Variants in TPST2 observed in about 807,000 individuals in gnomAD.
TPST2 encodes the protein protein-tyrosine sulfotransferase 2.
TPST2 carries 16 observed loss-of-function variants against 27.8 expected under a neutral mutation model. That is an observed-to-expected ratio of 0.58 (90% confidence interval 0.39 to 0.88). The LOEUF is 0.88. TPST2 is among the 40% of genes least tolerant of loss of function. The pLI is 0.00. For missense variants in TPST2, 464 were observed against 543.1 expected (o/e 0.85, Z 1.45); for synonymous variants, 229 against 231.7 (o/e 0.99, Z 0.10).
At position 26,541,266 on chromosome 22, in the gene TPST2, C is replaced by T. The variant is rs143783337; in HGVS notation, c.365G>A (p.Arg122Gln). 5.9e-5 allele frequency: 90 copies of T among 1,537,580 alleles called. No individual in the cohort carries two copies. The highest frequency in any genetic ancestry group is 1.9e-5 in the Non-Finnish European group (22 of 1,140,542). Residue 122 changes from arginine (R) to glutamine (Q), a missense_variant, in exon 3 of 7, where the codon CGG becomes CAG. Arg to Gln is a conservative substitution (Grantham distance 43). Coordinates refer to ENST00000338754, the MANE Select transcript of TPST2 (RefSeq NM_003595.5). This position sits in a 1 kb window ranked among gnomAD's most constrained non-coding sequence, Gnocchi z 5.9. ...AWSKSGREKL[R>Q]LDEAGVTDEV... The stretch of plus-strand genomic sequence containing the variant: ...ATCCGTCACCCCCGCCTCATCCAGC[C>T]GCAGCTTCTCACGGCCAGACTTGGA...
intron 1 of TPST2, among the ~76,000 whole-genome samples, chr22:26,549,391 G>A (rs1926319919): frequency 6.6e-6 from 1 of 152,186 alleles, no homozygotes; most frequent in Non-Finnish European, 1.5e-5. Flanking sequence ...AGGCACAGGG[G>A]CTCACGCCTG....
intron 1 of TPST2, among the ~76,000 whole-genome samples, chr22:26,567,556 C>T (rs1028974731): frequency 6.6e-6 from 1 of 152,240 alleles, no homozygotes; most frequent in African/African-American, 2.4e-5. Flanking sequence ...CTGAGGCTCA[C>T]ACATGTGAAG....
intron 1 of TPST2, among the ~76,000 whole-genome samples, chr22:26,558,098 T>A (rs1926896445): frequency 6.8e-6 from 1 of 146,606 alleles, no homozygotes; most frequent in African/African-American, 2.5e-5. Context: ...GTATAAAAAT[T>A]ATTATATAAA....
Position 26,525,192 on chromosome 22 carries a change from G to A in TPST2, c.*1083C>T, listed in dbSNP as rs1924761125. 1 of 152,178 alleles carries A rather than the reference G, an allele frequency of 6.6e-6. No individual in the cohort carries two copies. The highest frequency in any genetic ancestry group is 2.4e-5 in the African/African-American group (1 of 41,430). 9.4% of individuals were successfully genotyped at this position (152,178 alleles called of 1,614,324 possible). A position where few individuals can be genotyped will look rare whatever the true frequency, so the allele number is the denominator to read the frequency against. On this transcript the variant is annotated 3_prime_UTR_variant, in exon 7 of 7. Transcript: ENST00000338754. ...CAGGAGATGACAACTGGAAGCTTGA[G>A]GCCGGTCTCTCCCGGACTCTGCCCT...
intron 5 of TPST2, among the ~76,000 whole-genome samples, chr22:26,530,560 A>G (rs1925094805): frequency 6.9e-6 from 1 of 144,448 alleles, no homozygotes; most frequent in Non-Finnish European, 1.5e-5. Context: ...TGAACCCGGG[A>G]GGTGGAGGTT....
intron 1 of TPST2, among the ~76,000 whole-genome samples, chr22:26,546,118 T>C (rs1350365898): frequency 6.6e-6 from 1 of 152,140 alleles, no homozygotes; most frequent in African/African-American, 2.4e-5. Flanking sequence ...CTTTTATTAT[T>C]TGTGCCATGA....
At chr22:26,567,353 T>G (rs1927422043) in intron 1 of TPST2, among the ~76,000 whole-genome samples, 2 of 152,232 alleles carry the variant, frequency 1.3e-5, no homozygotes, top group Non-Finnish European at 2.9e-5. Flanking sequence ...CACTGTTTAT[T>G]TTCAAGGCCT....
chr22:26,582,673 T>TGTGTCCTTATTCTA (rs1215185813), intron 1 of TPST2, among the ~76,000 whole-genome samples: 1 of 152,158 alleles, frequency 6.6e-6, no homozygotes, highest in Non-Finnish European at 1.5e-5. Context: ...AGGGTTCTCA[T>TGTGTCCTTATTCTA]GTGTCCTTAT....
chr22:26,535,760 C>A (rs531368265), intron 4 of TPST2: 11 of 299,780 alleles, frequency 3.7e-5, no homozygotes, highest in African/African-American at 2.4e-4. Context: ...GGCAACAGAG[C>A]AAGACCATGC....
chr22:26,551,888 T>TC (rs1459560905), intron 1 of TPST2, among the ~76,000 whole-genome samples: 3 of 125,432 alleles, frequency 2.4e-5, no homozygotes, highest in Non-Finnish European at 4.7e-5. Flanking sequence ...TTTTTCTTTT[T>TC]TTTTTTTTTT....
intron 1 of TPST2, among the ~76,000 whole-genome samples, chr22:26,558,357 T>A (rs1352071618): frequency 2.0e-5 from 3 of 152,060 alleles, no homozygotes; most frequent in African/African-American, 7.2e-5. Flanking sequence ...ACCAGGCTGG[T>A]CTCCAACTCC....
At chr22:26,527,241 G>A (rs963082037) in intron 6 of TPST2, among the ~76,000 whole-genome samples, 2 of 152,210 alleles carry the variant, frequency 1.3e-5, no homozygotes, top group Non-Finnish European at 2.9e-5. Flanking sequence ...AAGCTGGAAG[G>A]TGTTTCCATG....
intron 1 of TPST2, among the ~76,000 whole-genome samples, chr22:26,545,388 C>T (rs528168756): frequency 1.1e-4 from 17 of 152,294 alleles, no homozygotes; most frequent in South Asian, 2.1e-4. Flanking sequence ...GTTACAGGAA[C>T]GAGGCTGTGT....
chr22:26,540,954 A>G lies in TPST2; in HGVS notation c.677T>C (p.Met226Thr). ...KAIEVMYAQC[M>T]EVGKEKCLPV... ...CAGGCACTTCTCCTTGCCTACCTCCATGCACTGGGCGTACATCACCTCGAT... is the reference window on the plus strand; with the variant it reads ...CAGGCACTTCTCCTTGCCTACCTCCGTGCACTGGGCGTACATCACCTCGAT... The change falls in exon 3 of 7, where the codon ATG (methionine) becomes ACG (threonine). Residue 226 changes from methionine to threonine, a missense_variant. Transcript: ENST00000338754. 5.0e-6 allele frequency: 8 copies of G among 1,614,206 alleles called. No homozygotes were observed. Among genetic ancestry groups the G allele is most frequent in the Middle Eastern group, 1.6e-4 (1 of 6,062 alleles).
intron 4 of TPST2, among the ~76,000 whole-genome samples, chr22:26,534,033 T>C (rs186969773): frequency 9.2e-5 from 14 of 152,316 alleles, no homozygotes; most frequent in Admixed American, 2.0e-4. Flanking sequence ...ATAAGAAACG[T>C]TACATACTTT....
rs533025019 is a variant in TPST2 at position 26,542,214 on chromosome 22, C to T, written c.-88-496G>A. ...CCTAGACTGCGCCACTGCACTCCAG[C>T]GTGGGCGACAGAGCGAGACTCCGTC... On this transcript the variant is annotated intron_variant, in intron 2 of 6. Transcript: ENST00000338754. Among the ~76,000 whole-genome samples, 31 of 141,670 alleles carry T rather than the reference C, an allele frequency of 2.2e-4. 1 individual carries two copies. The South Asian group carries it at 5.9e-3, about 27-fold the overall frequency. 92.9% of individuals were successfully genotyped at this position (141,670 alleles called of 152,430 possible). A position where few individuals can be genotyped will look rare whatever the true frequency, so the allele number is the denominator to read the frequency against.
chr22:26,584,186 G>C (rs1928242515), intron 1 of TPST2, among the ~76,000 whole-genome samples: 2 of 152,244 alleles, frequency 1.3e-5, no homozygotes, highest in Non-Finnish European at 2.9e-5. Context: ...CTGGGGCTCA[G>C]AGAGGGGAAG....
chr22:26,567,726 GA>G (rs1489128317), intron 1 of TPST2, among the ~76,000 whole-genome samples: 1 of 152,086 alleles, frequency 6.6e-6, no homozygotes, highest in Non-Finnish European at 1.5e-5. Context: ...TTTAAAAAAG[GA>G]CAGGCAACAC....
chr22:26,582,722 G>T (rs1416788747), intron 1 of TPST2, among the ~76,000 whole-genome samples: 2 of 152,310 alleles, frequency 1.3e-5, no homozygotes, highest in East Asian at 3.9e-4. Flanking sequence ...TCCGTGCAGT[G>T]CTGGGATCAA....
Sources: allele counts gnomAD v4.1 joint callset (sites outside exome capture counted in the v4.1 genomes callset), GRCh38; gene constraint gnomAD v4.1.1; non-coding constraint Gnocchi (gnomAD v3.1); transcripts MANE v1.5; gene names NCBI Gene and HGNC (gene_info 2026-07-23, HGNC 2026-07-21).